The following TAF1A variants were observed in gnomAD, a reference collection of about 807,000 sequenced individuals.
TAF1A encodes the protein TATA-box binding protein associated factor, RNA polymerase I subunit A.
In TAF1A, 42 loss-of-function variants were observed where a neutral mutation model predicts 61.6. The observed-to-expected ratio is 0.68, with a 90% confidence interval of 0.53 to 0.88. TAF1A has a LOEUF of 0.88. TAF1A is among the 40% of genes least tolerant of loss of function. The pLI is 0.00. For missense variants in TAF1A, 424 were observed against 518.7 expected, an observed-to-expected ratio of 0.82 and a Z score of 1.77; for synonymous variants, 179 against 177.7, an observed-to-expected ratio of 1.01 and a Z score of -0.06.
At chr1:222,582,237 C>T (rs1438222006) in intron 3 of TAF1A, among the ~76,000 whole-genome samples, 6 of 152,186 alleles carry the variant, frequency 3.9e-5, no homozygotes, top group African/African-American at 1.4e-4. Context: ...GAGCACATCA[C>T]ATAGGAATTT....
At position 222,568,033 on chromosome 1, in the gene TAF1A, T is replaced by C. The variant is rs549398756; in HGVS notation, c.894+1477A>G. Reference sequence around the variant, plus strand: ...TACTGGTTTTCAACAAAGTTCCAAATGTACTAAATGGAGAAAGGAGAGTCT... The same window carrying C: ...TACTGGTTTTCAACAAAGTTCCAAACGTACTAAATGGAGAAAGGAGAGTCT... On this transcript the variant is annotated intron_variant, in intron 7 of 10. Transcript: ENST00000352967. Among the ~76,000 whole-genome samples the C allele has an allele frequency of 1.5e-3, 234 of 152,098 alleles. 1 individual carries two copies. The highest frequency in any genetic ancestry group is 2.8e-3 in the Non-Finnish European group (193 of 67,974).
At chr1:222,558,890 T>C (rs1659805357) in intron 10 of TAF1A, 118 bp from the exon 11 acceptor site, 1 of 477,152 alleles carries the variant, frequency 2.1e-6, no homozygotes, top group African/African-American at 2.0e-5. Context: ...AATAGATTTA[T>C]TTGTATTATC....
intron 1 of TAF1A, among the ~76,000 whole-genome samples, chr1:222,589,491 T>C (rs1661164521): frequency 6.6e-6 from 1 of 152,156 alleles, no homozygotes; most frequent in Admixed American, 6.5e-5. Context: ...ATCCGACCCA[T>C]CACGTGTTTT....
intron 6 of TAF1A, 53 bp downstream of exon 6, chr1:222,570,482 G>A: frequency 6.6e-7 from 1 of 1,521,594 alleles, no homozygotes; most frequent in Non-Finnish European, 8.9e-7. Flanking sequence ...TGCAGTCTTT[G>A]TATAGGCTTT....
In TAF1A at chr1:222,588,462, T is replaced by C; in HGVS notation, c.102A>G (p.Gln34=). 1 of 1,613,836 alleles carries C rather than the reference T, an allele frequency of 6.2e-7. No individual in the cohort carries two copies. Among genetic ancestry groups the C allele is most frequent in the Middle Eastern group, 1.7e-4 (1 of 6,060 alleles). Residue 34 remains glutamine (Q), a synonymous_variant, in exon 2 of 11, where the codon CAA becomes CAG. Transcript: ENST00000352967. ...ACTTACCCACAGTTTCTACGTATGT[T>C]TGAAGCCAAGGAAAATGCATTCCTG... ...SGAGMHFPWL[Q]TYVETVAIGG...
chr1:222,561,171 T>C (rs1443942050), intron 10 of TAF1A, among the ~76,000 whole-genome samples, 193 bp downstream of exon 10: 1 of 152,124 alleles, frequency 6.6e-6, no homozygotes, highest in African/African-American at 2.4e-5. Context: ...CCGTTCACAA[T>C]CAATATGAAA....
chr1:222,558,838 T>C, intron 10 of TAF1A, 66 bp from the exon 11 acceptor site: 3 of 726,484 alleles, frequency 4.1e-6, no homozygotes, highest in Non-Finnish European at 6.4e-6. Flanking sequence ...TTTCTACATT[T>C]TAAAAATTCT....
intron 3 of TAF1A, among the ~76,000 whole-genome samples, chr1:222,582,284 T>G (rs558907440): frequency 3.3e-5 from 5 of 152,296 alleles, no homozygotes; most frequent in South Asian, 2.1e-4. Flanking sequence ...CTGAATGAAA[T>G]GGAAAGCTAT....
At chr1:222,556,541 A>C (rs1293240349), downstream of TAF1A, among the ~76,000 whole-genome samples, 1 of 152,162 alleles carries the variant, frequency 6.6e-6, no homozygotes, top group East Asian at 1.9e-4. Context: ...AAATAGGAAT[A>C]ATTCATAGGA....
At chr1:222,582,910 T>C (rs2936031) in intron 3 of TAF1A, among the ~76,000 whole-genome samples, 16,482 of 152,192 alleles carry the variant, frequency 0.11, 1,032 homozygotes, top group East Asian at 0.15. Flanking sequence ...AGGCTGGCCA[T>C]AGTGGCTCAC....
intron 5 of TAF1A, among the ~76,000 whole-genome samples, chr1:222,575,259 G>A (rs906182905): frequency 5.9e-5 from 9 of 152,038 alleles, no homozygotes; most frequent in Non-Finnish European, 1.0e-4. Context: ...GGTGGTTCAC[G>A]CCTGTAATCC....
chr1:222,572,906 AAAG>A (rs1286732557), intron 5 of TAF1A, among the ~76,000 whole-genome samples: 7 of 152,356 alleles, frequency 4.6e-5, no homozygotes, highest in African/African-American at 9.6e-5. Context: ...ACAAGCAACA[AAAG>A]AAGAAACAGT....
At chr1:222,569,718 T>C in intron 6 of TAF1A, 50 bp from the exon 7 acceptor site, 1 of 1,502,626 alleles carries the variant, frequency 6.7e-7, no homozygotes, top group Non-Finnish European at 9.0e-7. Context: ...AAGACAGCTA[T>C]ACGAAAAATA....
At chr1:222,580,084 T>C (rs989882450) in intron 3 of TAF1A, among the ~76,000 whole-genome samples, 1 of 152,198 alleles carries the variant, frequency 6.6e-6, no homozygotes, top group Non-Finnish European at 1.5e-5. Flanking sequence ...TCTATTAAAA[T>C]ATCAGATAGT....
chr1:222,571,993 G>A (rs893136535), intron 5 of TAF1A, among the ~76,000 whole-genome samples: 10 of 152,132 alleles, frequency 6.6e-5, no homozygotes, highest in African/African-American at 2.4e-4. Flanking sequence ...GATGTGGGTG[G>A]ATCACCTGAG....
At chr1:222,561,772 C>T (rs532058838) in intron 9 of TAF1A, among the ~76,000 whole-genome samples, 18 of 152,238 alleles carry the variant, frequency 1.2e-4, no homozygotes, top group African/African-American at 3.6e-4. Flanking sequence ...AGAACAGACT[C>T]GAAGCCAGAA....
intron 2 of TAF1A, 71 bp downstream of exon 2, chr1:222,588,370 TTC>T (rs1315615321): frequency 4.1e-5 from 63 of 1,534,318 alleles, no homozygotes; most frequent in Non-Finnish European, 5.5e-5. Flanking sequence ...AGTCTGGTTA[TTC>T]ATTTTGTATC....
intron 3 of TAF1A, among the ~76,000 whole-genome samples, chr1:222,583,220 T>A (rs543032920): frequency 5.9e-4 from 89 of 151,898 alleles, no homozygotes; most frequent in African/African-American, 2.1e-3. Context: ...AAGTAATAGA[T>A]TAGTGGCTGC....
intron 9 of TAF1A, 131 bp downstream of exon 9, chr1:222,563,042 C>G (rs1659976317): frequency 3.3e-6 from 3 of 898,166 alleles, no homozygotes; most frequent in African/African-American, 3.4e-5. Flanking sequence ...AAAATGTACT[C>G]AGAAAACAGC....
Sources: allele counts gnomAD v4.1 joint callset (sites outside exome capture counted in the v4.1 genomes callset), GRCh38; gene constraint gnomAD v4.1.1; transcripts MANE v1.5; gene names NCBI Gene and HGNC (gene_info 2026-07-23, HGNC 2026-07-21).